HECA: variants seen among roughly 807,000 people sequenced by gnomAD.
HECA encodes headcase protein homolog.
A neutral mutation model predicts 37.6 loss-of-function variants in HECA; 13 were observed. The ratio of observed to expected loss-of-function variants is 0.35; its 90% confidence interval spans 0.23 to 0.55. The LOEUF is 0.55. Among genes scored for constraint, HECA ranks in the 20% least tolerant of loss-of-function variants. The pLI is 0.90. For missense variants in HECA, 527 were observed against 701.9 expected (o/e 0.75, Z 2.82); for synonymous variants, 307 against 291.5 (o/e 1.05, Z -0.54).
chr6:139,172,126 C>T (rs1774982469), intron 2 of HECA, among the ~76,000 whole-genome samples: 1 of 152,078 alleles, frequency 6.6e-6, no homozygotes, highest in African/African-American at 2.4e-5. Flanking sequence ...CCACTGCGCC[C>T]AGCCCTAAAC....
rs1353989188 is a variant in HECA, at chr6:139,174,497, T to C, written c.1425T>C (p.Thr475=). Residue 475 remains threonine, a synonymous_variant, in exon 3 of 4, where the codon ACT becomes ACC. Transcript: ENST00000367658. Reference sequence around the variant, plus strand: ...ATGGCAGCTGGCACCAGCTGGGCACTATGTACACCTACGACATCCTGGCTG... The same window carrying C: ...ATGGCAGCTGGCACCAGCTGGGCACCATGTACACCTACGACATCCTGGCTG... The part of the protein sequence containing the change: ...RWDGSWHQLG[T]MYTYDILAAS... 1 of 1,613,982 alleles carries C rather than the reference T, an allele frequency of 6.2e-7. No individual in the cohort carries two copies. Among genetic ancestry groups the C allele is most frequent in the South Asian group, 1.1e-5 (1 of 91,086 alleles).
chr6:139,150,747 GT>G (rs1368454977), intron 1 of HECA, among the ~76,000 whole-genome samples: 1 of 151,946 alleles, frequency 6.6e-6, no homozygotes, highest in Non-Finnish European at 1.5e-5. Context: ...TTTGAGAATG[GT>G]CATACCATAA....
At chr6:139,145,127 TAA>T (rs1774567168) in intron 1 of HECA, among the ~76,000 whole-genome samples, 1 of 152,242 alleles carries the variant, frequency 6.6e-6, no homozygotes, top group Admixed American at 6.5e-5. Context: ...TTTAAAACAA[TAA>T]ACTCTGGTGA....
chr6:139,167,543 G>A (rs1774908973), intron 2 of HECA, among the ~76,000 whole-genome samples: 1 of 152,130 alleles, frequency 6.6e-6, no homozygotes, highest in African/African-American at 2.4e-5. Context: ...GGATAATTTT[G>A]TGTGTTCTGT....
Position 139,135,420 on chromosome 6 carries a change from A to C in HECA, c.24A>C (p.Lys8Asn). The change falls in exon 1 of 4, where the codon AAA (lysine) becomes AAC (asparagine). Residue 8 changes from lysine to asparagine, a missense_variant. Lys to Asn is a moderately conservative substitution (Grantham distance 94). Around this residue, in one of 4 missense-constraint regions of HECA, gnomAD observed 172 missense variants for 197.6 expected, o/e 0.87. Coordinates refer to ENST00000367658, the MANE Select transcript of HECA (RefSeq NM_016217.3). MPNPKNSKGGRKNKRANS... is the reference protein window; with the variant it reads MPNPKNSNGGRKNKRANS... The stretch of plus-strand genomic sequence containing the variant: ...AGATGCCCAACCCCAAAAACAGCAA[A>C]GGCGGCCGCAAAAACAAGCGCGCCA... 7.3e-7 allele frequency: 1 copy of C among 1,368,508 alleles called. No individual in the cohort carries two copies. The highest frequency in any genetic ancestry group is 3.9e-5 in the East Asian group (1 of 25,888). 84.8% of individuals were successfully genotyped at this position (1,368,508 alleles called of 1,614,324 possible).
chr6:139,165,986 G>A (rs1040163588), intron 1 of HECA: 4 of 276,108 alleles, frequency 1.4e-5, no homozygotes, highest in Non-Finnish European at 2.7e-5. Flanking sequence ...CACCTTAGAC[G>A]AGAAATCGGT....
intron 1 of HECA, among the ~76,000 whole-genome samples, chr6:139,156,382 C>CT (rs56043094): frequency 0.028 from 4,264 of 151,976 alleles, 76 homozygotes; most frequent in East Asian, 0.054. Flanking sequence ...TTTGTATTTT[C>CT]TTTTTTTGAT....
chr6:139,140,541 AG>A (rs1019412970), intron 1 of HECA, among the ~76,000 whole-genome samples: 1 of 152,204 alleles, frequency 6.6e-6, no homozygotes, highest in Non-Finnish European at 1.5e-5. Flanking sequence ...TACTTGTTAG[AG>A]GATCTGTGAT....
At chr6:139,174,663 A>G in intron 3 of HECA, 124 bp downstream of exon 3, 1 of 1,398,882 alleles carries the variant, frequency 7.1e-7, no homozygotes, top group South Asian at 1.4e-5. Context: ...CTGAGTTACT[A>G]CTTGTAATGT....
In HECA at chr6:139,166,565, T is replaced by C. The variant is rs746780915; in HGVS notation, c.553T>C (p.Leu185=). The part of the protein sequence containing the change: ...FCSCRCGQGH[L]KKDTDWYQVK... ...CTCTTGCCGCTGTGGCCAGGGCCAC[T>C]TGAAGAAGGACACAGACTGGTATCA... The change falls in exon 2 of 4, where the codon TTG becomes CTG. Residue 185 remains leucine (L), a synonymous_variant. Transcript: ENST00000367658. The C allele has an allele frequency of 6.2e-7, 1 of 1,614,206 alleles. No individual in the cohort carries two copies.
rs766148085 is a variant in HECA, at chr6:139,167,171, G to A, written c.1159G>A (p.Ala387Thr). Reference protein sequence around the residue: ...GEDLRKFILAALSASHRNVVN... With the variant: ...GEDLRKFILATLSASHRNVVN... ...AGACTTGCGGAAGTTCATTCTGGCC[G>A]CGCTCAGTGCCAGCCACAGAAACGT... The change falls in exon 2 of 4, where the codon GCG becomes ACG. Residue 387 changes from alanine (A) to threonine (T), a missense_variant. Coordinates refer to ENST00000367658, the MANE Select transcript of HECA (RefSeq NM_016217.3). 1.1e-5 allele frequency: 18 copies of A among 1,614,020 alleles called. No individual in the cohort carries two copies. The East Asian group carries it at 1.6e-4, about 14-fold the overall frequency.
At chr6:139,174,805 T>A (rs1194950330) in intron 3 of HECA, among the ~76,000 whole-genome samples, 1 of 152,146 alleles carries the variant, frequency 6.6e-6, no homozygotes, top group Non-Finnish European at 1.5e-5. Context: ...ATGCTTGCAT[T>A]TGTAAGTAAG....
At chr6:139,139,867 C>T (rs923499196) in intron 1 of HECA, among the ~76,000 whole-genome samples, 1 of 152,242 alleles carries the variant, frequency 6.6e-6, no homozygotes, top group Non-Finnish European at 1.5e-5. Flanking sequence ...ATTCCCCTAG[C>T]ATTATGGATG....
In HECA at chr6:139,135,487, G is replaced by A. The variant is rs1774419103; in HGVS notation, c.91G>A (p.Ala31Thr). 3 of 1,199,800 alleles carry A rather than the reference G, an allele frequency of 2.5e-6. No homozygotes were observed. The highest frequency in any genetic ancestry group is 5.2e-5 in the East Asian group (1 of 19,386). 74.3% of individuals were successfully genotyped at this position (1,199,800 alleles called of 1,614,324 possible). The stretch of plus-strand genomic sequence containing the variant: ...GCAGGAAAATGGAGCCGGGGCCCTG[G>A]CAGCGGCGGGCGCGGCGGGAGCGGC... The part of the protein sequence containing the change: ...DEQENGAGAL[A>T]AAGAAGAAAG... Residue 31 changes from alanine (A) to threonine (T), a missense_variant, in exon 1 of 4, where the codon GCA (alanine) becomes ACA (threonine). This residue lies in a region of HECA where 172 missense variants were observed against 197.6 expected (regional missense o/e 0.87). Coordinates refer to ENST00000367658, the MANE Select transcript of HECA (RefSeq NM_016217.3).
At position 139,166,286 on chromosome 6, in the gene HECA, G is replaced by A. The variant is rs1325342498; in HGVS notation, c.274G>A (p.Ala92Thr). 1.3e-6 allele frequency: 2 copies of A among 1,588,024 alleles called. No homozygotes were observed. The highest frequency in any genetic ancestry group is 1.7e-6 in the Non-Finnish European group (2 of 1,165,434). ...TTCTCTCTTTATTCCTCCCCCAGAA[G>A]CCCCATGTGCCACTCCCCTGATCTG... ...AAAAGDAKNE[A>T]PCATPLICSF... is the part of the protein sequence containing the mutation. Residue 92 changes from alanine to threonine, a missense_variant and splice_region_variant, in exon 2 of 4, where the codon GCC (alanine) becomes ACC (threonine). By Grantham distance (58) the Ala-to-Thr change is moderately conservative. Coordinates refer to ENST00000367658, the MANE Select transcript of HECA (RefSeq NM_016217.3).
intron 1 of HECA, among the ~76,000 whole-genome samples, chr6:139,164,711 A>T (rs1445103170): frequency 3.9e-5 from 6 of 152,148 alleles, no homozygotes; most frequent in Non-Finnish European, 7.4e-5. Context: ...GCCAAGACAC[A>T]AGTGGGGAAG....
At chr6:139,147,627 C>T (rs1774600619) in intron 1 of HECA, among the ~76,000 whole-genome samples, 1 of 152,144 alleles carries the variant, frequency 6.6e-6, no homozygotes, top group African/African-American at 2.4e-5. Context: ...AAAAAAAATG[C>T]TTGTCATTCT....
intron 1 of HECA, among the ~76,000 whole-genome samples, chr6:139,139,054 C>T (rs946970356): frequency 2.6e-5 from 4 of 152,258 alleles, no homozygotes; most frequent in Admixed American, 2.6e-4. Flanking sequence ...TTTCATTGGG[C>T]CTGGATCTTA....
At chr6:139,173,068 A>G (rs989792674) in intron 2 of HECA, among the ~76,000 whole-genome samples, 3 of 152,084 alleles carry the variant, frequency 2.0e-5, no homozygotes, top group Non-Finnish European at 2.9e-5. Flanking sequence ...TGCAAATGAA[A>G]TTTTTTCCAG....
Sources: allele counts gnomAD v4.1 joint callset (sites outside exome capture counted in the v4.1 genomes callset), GRCh38; gene constraint gnomAD v4.1.1; regional missense constraint gnomAD v4.1.1; transcripts MANE v1.5; gene names NCBI Gene and HGNC (gene_info 2026-07-23, HGNC 2026-07-21).